Variants in ITSN1 observed in about 807,000 individuals in gnomAD.
The protein encoded by ITSN1 is intersectin 1, also known as intersectin-1.
In ITSN1, 58 loss-of-function variants were observed where a neutral mutation model predicts 239.8. The observed-to-expected ratio is 0.24, with a 90% confidence interval of 0.20 to 0.30. ITSN1 has a LOEUF of 0.30. ITSN1 is among the 10% of genes least tolerant of loss of function. ITSN1 has a pLI of 1.00. For missense variants in ITSN1, 1,558 were observed against 2,103.3 expected, an observed-to-expected ratio of 0.74 and a Z score of 5.07; for synonymous variants, 780 against 770.8, an observed-to-expected ratio of 1.01 and a Z score of -0.20.
intron 29 of ITSN1, among the ~76,000 whole-genome samples, chr21:33,849,285 G>A (rs559222770): frequency 6.6e-6 from 1 of 151,460 alleles, no homozygotes; most frequent in Non-Finnish European, 1.5e-5. Context: ...CTAGTATTTG[G>A]CTGGGCACAG....
At position 33,882,150 on chromosome 21, in the gene ITSN1, G is replaced by A. The variant is rs1182731233; in HGVS notation, c.4342-93G>A. 5.5e-6 allele frequency: 6 copies of A among 1,088,308 alleles called. No homozygotes were observed. Among genetic ancestry groups the A allele is most frequent in the African/African-American group, 1.6e-5 (1 of 64,126 alleles). 67.4% of individuals were successfully genotyped at this position (1,088,308 alleles called of 1,614,324 possible). ...TGACTTTTGCCTGAGATCCGAGTCT[G>A]CTGGGGCCTGGCCTCTGATTCTGAT... On this transcript the variant is annotated intron_variant, in intron 34 of 39. Coordinates refer to ENST00000381318, the MANE Select transcript of ITSN1 (RefSeq NM_003024.3). The surrounding 1 kb of genome is among the most constrained non-coding windows in gnomAD (Gnocchi z 4.5).
intron 1 of ITSN1, among the ~76,000 whole-genome samples, chr21:33,665,862 A>G (rs1360046630): frequency 6.6e-6 from 1 of 152,216 alleles, no homozygotes; most frequent in Admixed American, 6.5e-5. Flanking sequence ...AATAAACATG[A>G]AAACATGTAT....
At chr21:33,703,045 C>G (rs2092093972) in intron 1 of ITSN1, among the ~76,000 whole-genome samples, 2 of 151,704 alleles carry the variant, frequency 1.3e-5, no homozygotes, top group African/African-American at 4.8e-5. Flanking sequence ...GAGATCGCAC[C>G]ACTGCACTCC....
chr21:33,664,078 A>G (rs988818768), intron 1 of ITSN1, among the ~76,000 whole-genome samples: 2 of 152,228 alleles, frequency 1.3e-5, no homozygotes, highest in African/African-American at 4.8e-5. Flanking sequence ...TCTGGAGCCA[A>G]GCTGCTCAGC....
At chr21:33,694,462 T>G (rs2091701367) in intron 1 of ITSN1, among the ~76,000 whole-genome samples, 2 of 152,240 alleles carry the variant, frequency 1.3e-5, no homozygotes, top group South Asian at 4.1e-4. Flanking sequence ...TATTTTCTTA[T>G]GGCAGATTTG....
intron 8 of ITSN1, among the ~76,000 whole-genome samples, chr21:33,756,299 A>G: frequency 6.6e-6 from 1 of 151,596 alleles, no homozygotes; most frequent in East Asian, 1.9e-4. Context: ...AAAAAAAAAA[A>G]AAAAAAAAGA....
intron 2 of ITSN1, among the ~76,000 whole-genome samples, chr21:33,719,552 T>G (rs1279557760): frequency 6.6e-6 from 1 of 152,250 alleles, no homozygotes; most frequent in Non-Finnish European, 1.5e-5. Flanking sequence ...TTTAGACATT[T>G]CTTGTTATGG....
chr21:33,772,493 C>A (rs1411571874), intron 12 of ITSN1, among the ~76,000 whole-genome samples, 170 bp downstream of exon 12: 3 of 152,166 alleles, frequency 2.0e-5, no homozygotes. Flanking sequence ...TTCATCACTC[C>A]AGCTCTTTAC....
At position 33,750,336 on chromosome 21, in the gene ITSN1, T is replaced by C; in HGVS notation, c.526+14T>C. ...TTGCTCATCCTGGTATGTGACTTGCTGAAACCATAGGCTGAGTTTTTACTA... is the reference window on the plus strand; with the variant it reads ...TTGCTCATCCTGGTATGTGACTTGCCGAAACCATAGGCTGAGTTTTTACTA... On this transcript the variant is annotated intron_variant, in intron 6 of 39. Transcript: ENST00000381318. 1 of 1,611,132 alleles carries C rather than the reference T, an allele frequency of 6.2e-7. No homozygotes were observed. The highest frequency in any genetic ancestry group is 1.3e-5 in the African/African-American group (1 of 74,980).
At chr21:33,784,615 T>A (rs2070495394) in intron 16 of ITSN1, among the ~76,000 whole-genome samples, 1 of 152,248 alleles carries the variant, frequency 6.6e-6, no homozygotes, top group South Asian at 2.1e-4. Context: ...ATGGTTATTA[T>A]CTCTAGTATT....
intron 37 of ITSN1, 95 bp from the exon 38 acceptor site, chr21:33,885,344 G>A (rs138479867): frequency 4.2e-4 from 517 of 1,227,366 alleles, no homozygotes; most frequent in Non-Finnish European, 5.4e-4. Flanking sequence ...CTTTTGAGTC[G>A]GGAGAGGTAC....
intron 22 of ITSN1, chr21:33,817,225 T>G (rs1375549673): frequency 3.1e-6 from 4 of 1,296,420 alleles, no homozygotes; most frequent in Non-Finnish European, 4.1e-6. Flanking sequence ...CACCCTGCCT[T>G]TCCAGCCTGA....
At chr21:33,685,517 T>C (rs2091195663) in intron 1 of ITSN1, among the ~76,000 whole-genome samples, 1 of 152,022 alleles carries the variant, frequency 6.6e-6, no homozygotes, top group East Asian at 1.9e-4. Context: ...ATACCAACTT[T>C]TAAAGCTACC....
At position 33,782,060 on chromosome 21, in the gene ITSN1, A is replaced by G. The variant is rs778462764; in HGVS notation, c.1751A>G (p.Asp584Gly). Residue 584 changes from aspartate (D) to glycine (G), a missense_variant, in exon 16 of 40, where the codon GAC becomes GGC. By Grantham distance (94) the Asp-to-Gly change is moderately conservative (BLOSUM62 -1). Transcript: ENST00000381318. Reference protein sequence around the residue: ...AKELARQHLRDQLDEVEKETR... With the variant: ...AKELARQHLRGQLDEVEKETR... ...GAACTAGCTCGGCAGCACCTACGAG[A>G]CCAACTGGATGAAGTGGAGAAAGAA... is the stretch of plus-strand genomic sequence containing the variant. 1.9e-5 allele frequency: 30 copies of G among 1,613,850 alleles called. No homozygotes were observed. The Admixed American group carries it at 4.7e-4, about 25-fold the overall frequency.
At chr21:33,659,413 C>G (rs1198634785) in intron 1 of ITSN1, among the ~76,000 whole-genome samples, 2 of 152,172 alleles carry the variant, frequency 1.3e-5, no homozygotes, top group African/African-American at 4.8e-5. Flanking sequence ...TGTAGTCAGC[C>G]TGGCAGAAGT....
chr21:33,774,925 A>G (rs950127054), intron 13 of ITSN1, 43 bp from the exon 14 acceptor site: 17 of 1,603,848 alleles, frequency 1.1e-5, no homozygotes, highest in Middle Eastern at 1.7e-4. Context: ...AGATGGAACC[A>G]TTAAAAACAG....
intron 4 of ITSN1, among the ~76,000 whole-genome samples, chr21:33,724,097 TTG>T (rs58227751): frequency 2.7e-5 from 4 of 150,438 alleles, no homozygotes; most frequent in South Asian, 2.1e-4. Context: ...GTGTGTGTGT[TTG>T]TGTGTGTGTG....
intron 33 of ITSN1, among the ~76,000 whole-genome samples, chr21:33,874,322 C>T (rs1013078589): frequency 6.6e-6 from 1 of 152,098 alleles, no homozygotes; most frequent in Non-Finnish European, 1.5e-5. Flanking sequence ...CTCTGATGCA[C>T]CCGTCTGCAT....
Position 33,899,087 on chromosome 21 carries a change from C to G in ITSN1, c.*10787C>G, listed in dbSNP as rs1050384260. On this transcript the variant is annotated 3_prime_UTR_variant, in exon 40 of 40. Transcript: ENST00000381318. ...AGGCCCTGACTCTCCTTCCTTAGAA[C>G]GATGCCCTCTGGCTGGGGTGGCAAG... 12 of 152,244 alleles carry G rather than the reference C, an allele frequency of 7.9e-5. No homozygotes were observed. The highest frequency in any genetic ancestry group is 2.2e-4 in the African/African-American group (9 of 41,452). 9.4% of individuals were successfully genotyped at this position (152,244 alleles called of 1,614,324 possible). A position where few individuals can be genotyped will look rare whatever the true frequency, so the allele number is the denominator to read the frequency against.
Sources: allele counts gnomAD v4.1 joint callset (sites outside exome capture counted in the v4.1 genomes callset), GRCh38; gene constraint gnomAD v4.1.1; non-coding constraint Gnocchi (gnomAD v3.1); transcripts MANE v1.5; gene names NCBI Gene and HGNC (gene_info 2026-07-23, HGNC 2026-07-21).